MIR2052HG: variants seen among roughly 807,000 people sequenced by gnomAD.
The protein encoded by MIR2052HG is MIR2052 host gene.
At chr8:74,631,629 T>A (rs2128734225) in intron 2 of MIR2052HG, among the ~76,000 whole-genome samples, 1 of 152,304 alleles carries the variant, frequency 6.6e-6, no homozygotes, top group Non-Finnish European at 1.5e-5. Context: ...GGACCAGTAG[T>A]AATAACTTCT....
At chr8:74,706,901 C>T (rs1045908062) in intron 4 of MIR2052HG, among the ~76,000 whole-genome samples, 4 of 152,050 alleles carry the variant, frequency 2.6e-5, no homozygotes, top group Admixed American at 2.6e-4. Context: ...TTTGCAAGTG[C>T]GTGAAGTGGA....
chr8:74,694,887 A>G (rs1027733434), intron 2 of MIR2052HG, among the ~76,000 whole-genome samples: 2 of 152,186 alleles, frequency 1.3e-5, no homozygotes, highest in Non-Finnish European at 2.9e-5. Context: ...AGAGAAATGT[A>G]AATGTTTGGA....
intron 1 of MIR2052HG, among the ~76,000 whole-genome samples, chr8:74,602,385 C>T (rs914069129): frequency 4.6e-5 from 7 of 152,208 alleles, no homozygotes; most frequent in African/African-American, 1.4e-4. Context: ...CCAGAGATTG[C>T]CTGCCCCTTT....
intron 2 of MIR2052HG, among the ~76,000 whole-genome samples, chr8:74,648,521 C>T (rs904678998): frequency 2.0e-5 from 3 of 152,140 alleles, no homozygotes; most frequent in Non-Finnish European, 4.4e-5. Flanking sequence ...GACTTACTCC[C>T]TGTTCGTACA....
chr8:74,721,032 C>T (rs550919525), intron 4 of MIR2052HG, among the ~76,000 whole-genome samples: 14 of 152,122 alleles, frequency 9.2e-5, no homozygotes, highest in African/African-American at 3.4e-4. Context: ...GGACACAGAG[C>T]CAAACCATAT....
At chr8:74,666,205 C>A (rs974520643) in intron 2 of MIR2052HG, among the ~76,000 whole-genome samples, 1 of 152,028 alleles carries the variant, frequency 6.6e-6, no homozygotes, top group East Asian at 1.9e-4. Context: ...TCCCTGGTTA[C>A]CTCTTTTTTT....
intron 1 of MIR2052HG, among the ~76,000 whole-genome samples, chr8:74,608,965 A>G (rs961436851): frequency 1.3e-5 from 2 of 152,030 alleles, no homozygotes; most frequent in African/African-American, 4.8e-5. Context: ...CAGAGCAGAA[A>G]TTAATGAATG....
intron 2 of MIR2052HG, among the ~76,000 whole-genome samples, chr8:74,649,753 T>G (rs1476174144): frequency 1.3e-5 from 2 of 152,154 alleles, no homozygotes; most frequent in African/African-American, 2.4e-5. Context: ...TTGAAGAGTT[T>G]AGAGAAGTGC....
chr8:74,698,225 T>G (rs949798225), intron 2 of MIR2052HG, among the ~76,000 whole-genome samples: 2 of 152,030 alleles, frequency 1.3e-5, no homozygotes, highest in Non-Finnish European at 2.9e-5. Flanking sequence ...CCAACTTATC[T>G]TTAACAATAC....
intron 2 of MIR2052HG, among the ~76,000 whole-genome samples, chr8:74,693,762 A>G (rs1025149644): frequency 6.6e-5 from 10 of 151,920 alleles, no homozygotes; most frequent in Admixed American, 4.6e-4. Flanking sequence ...ACATAACTCC[A>G]TAGGTCTGAG....
rs559250869 is a variant in MIR2052HG at position 74,684,074 on chromosome 8, A to G, written n.217-18305A>G. 2.4e-4 allele frequency among the ~76,000 whole-genome samples: 37 copies of G among 152,202 alleles called. No homozygotes were observed. The East Asian group carries it at 5.8e-3, about 24-fold the overall frequency. On this transcript the variant is annotated intron_variant and non_coding_transcript_variant, in intron 2 of 6. Coordinates refer to ENST00000523442, the Ensembl canonical transcript of MIR2052HG. ...TTCCACAAGTCCTTATGGAAATGGG[A>G]CTACTGGTAGCTTGTTCAGAGGTCC... is the stretch of plus-strand genomic sequence containing the variant.
intron 2 of MIR2052HG, among the ~76,000 whole-genome samples, chr8:74,642,792 C>A (rs779192775): frequency 1.3e-5 from 2 of 152,148 alleles, no homozygotes; most frequent in Non-Finnish European, 2.9e-5. Context: ...ACAGGTTAAA[C>A]AACCTGATGC....
chr8:74,654,001 T>C (rs1325331617), intron 2 of MIR2052HG, among the ~76,000 whole-genome samples: 2 of 152,156 alleles, frequency 1.3e-5, no homozygotes, highest in Non-Finnish European at 2.9e-5. Context: ...AAATATTTAA[T>C]AATATAGTCT....
At chr8:74,600,437 G>C (rs1352546337) in intron 1 of MIR2052HG, among the ~76,000 whole-genome samples, 1 of 151,446 alleles carries the variant, frequency 6.6e-6, no homozygotes, top group Admixed American at 6.6e-5. Context: ...TACAAAATTA[G>C]CCGGGCGTGG....
At chr8:74,663,258 G>C (rs1054322977) in intron 2 of MIR2052HG, among the ~76,000 whole-genome samples, 3 of 152,108 alleles carry the variant, frequency 2.0e-5, no homozygotes, top group African/African-American at 7.2e-5. Context: ...GCCACAGCTG[G>C]AGTAATGACA....
At chr8:74,745,625 C>T (rs111813557) in intron 4 of MIR2052HG, among the ~76,000 whole-genome samples, 59 of 151,884 alleles carry the variant, frequency 3.9e-4, no homozygotes, top group Middle Eastern at 3.4e-3. Context: ...GAAAATAAAA[C>T]GCATGGTCCA....
intron 1 of MIR2052HG, chr8:74,609,683 A>G (rs1411362523): frequency 6.6e-6 from 1 of 150,608 alleles, no homozygotes. Context: ...ATTAGACTAA[A>G]AAAAGATACT....
At chr8:74,668,861 G>A (rs1404399917) in intron 2 of MIR2052HG, among the ~76,000 whole-genome samples, 1 of 152,160 alleles carries the variant, frequency 6.6e-6, no homozygotes, top group Non-Finnish European at 1.5e-5. Flanking sequence ...ACTTGCGGAA[G>A]CTCATTTCAT....
At chr8:74,647,065 G>C (rs184701754) in intron 2 of MIR2052HG, among the ~76,000 whole-genome samples, 4 of 152,142 alleles carry the variant, frequency 2.6e-5, no homozygotes, top group African/African-American at 7.2e-5. Context: ...TGTGCAGGAG[G>C]CACAAAAGTT....
Sources: gnomAD v4.1 joint callset for allele counts (sites outside exome capture counted in the v4.1 genomes callset) on GRCh38, gnomAD v4.1.1 for gene constraint, MANE v1.5 for transcripts, NCBI Gene and HGNC (gene_info 2026-07-23, HGNC 2026-07-21) for gene names.